Variants in GSG1L observed in about 807,000 individuals in gnomAD.
The protein encoded by GSG1L is germ cell-specific gene 1-like protein.
Under a neutral mutation model 42.1 loss-of-function variants are expected in GSG1L, and 24 were observed. The ratio of observed to expected loss-of-function variants is 0.57; its 90% CI spans 0.41 to 0.80. The LOEUF (loss-of-function observed/expected upper bound fraction) is 0.80. Among genes scored for constraint, GSG1L ranks in the 30% least tolerant of loss-of-function variants. The pLI is 0.00. For missense variants in GSG1L, 445 were observed against 472.2 expected (o/e 0.94, Z 0.53); for synonymous variants, 215 against 203.5 (o/e 1.06, Z -0.48).
At chr16:28,019,748 G>A (rs1481441086) in intron 1 of GSG1L, among the ~76,000 whole-genome samples, 1 of 152,214 alleles carries the variant, frequency 6.6e-6, no homozygotes, top group East Asian at 1.9e-4. Context: ...AAAGCACTCA[G>A]AGAAGGGAGC....
chr16:28,017,605 C>A (rs1348007187), intron 1 of GSG1L, among the ~76,000 whole-genome samples: 1 of 152,176 alleles, frequency 6.6e-6, no homozygotes, highest in Non-Finnish European at 1.5e-5. Context: ...ACACAACCTG[C>A]AAGAGAGCCT....
chr16:27,919,749 C>A lies in GSG1L; in HGVS notation c.398-35111G>T, dbSNP rs74015154. On this transcript the variant is annotated intron_variant, in intron 2 of 6. Transcript: ENST00000447459. ...GGTGCCCAATGGAGAAATTACATTACAGGAGGGGGAGTCGGCTCAACATTA... is the reference window on the plus strand; with the variant it reads ...GGTGCCCAATGGAGAAATTACATTAAAGGAGGGGGAGTCGGCTCAACATTA... Among the ~76,000 whole-genome samples the A allele has an allele frequency of 5.1e-3, 770 of 152,242 alleles. 10 individuals carry two copies. The highest frequency in any genetic ancestry group is 0.018 in the African/African-American group (739 of 41,532).
intron 3 of GSG1L, among the ~76,000 whole-genome samples, chr16:27,862,591 G>A (rs1235495866): frequency 3.3e-5 from 5 of 152,232 alleles, no homozygotes; most frequent in Non-Finnish European, 7.3e-5. Context: ...TGGGCTCTGG[G>A]TCAGGCCTGA....
intron 5 of GSG1L, among the ~76,000 whole-genome samples, chr16:27,827,957 C>A (rs984710247): frequency 5.7e-4 from 85 of 148,226 alleles, no homozygotes; most frequent in African/African-American, 2.1e-3. Flanking sequence ...ATCTACCTAC[C>A]CATCCACCAA....
chr16:27,869,823 C>CCT (rs2083788879), intron 3 of GSG1L, among the ~76,000 whole-genome samples: 1 of 149,098 alleles, frequency 6.7e-6, no homozygotes. Context: ...ATCTCTCTCT[C>CCT]TCTGTCTCCC....
At chr16:27,993,068 T>A (rs1422660886) in intron 1 of GSG1L, among the ~76,000 whole-genome samples, 2 of 152,180 alleles carry the variant, frequency 1.3e-5, no homozygotes, top group Non-Finnish European at 2.9e-5. Context: ...CATTTTTGAA[T>A]GGAGAAACAG....
intron 6 of GSG1L, among the ~76,000 whole-genome samples, chr16:27,802,708 A>T (rs774498049): frequency 6.6e-6 from 1 of 151,980 alleles, no homozygotes; most frequent in Non-Finnish European, 1.5e-5. Context: ...TCTGGGCTTC[A>T]ACCATCCCAT....
intron 2 of GSG1L, among the ~76,000 whole-genome samples, chr16:27,931,049 G>A (rs1379645938): frequency 1.3e-5 from 2 of 152,118 alleles, no homozygotes; most frequent in African/African-American, 4.8e-5. Context: ...ACCGTGCCTG[G>A]CCAGCTCTTT....
Position 27,884,511 on chromosome 16 carries a change from G to A in GSG1L, c.525C>T (p.Phe175=), listed in dbSNP as rs899540161. 9.3e-6 allele frequency: 15 copies of A among 1,613,730 alleles called. No homozygotes were observed. Among genetic ancestry groups the A allele is most frequent in the Non-Finnish European group, 1.1e-5 (13 of 1,179,922 alleles). ...CTGAGAGCACCGTGAAGACAGCCGCGAAGGCATTGAGCTTGAGCCCGTCGA... is the reference window on the plus strand; with the variant it reads ...CTGAGAGCACCGTGAAGACAGCCGCAAAGGCATTGAGCTTGAGCCCGTCGA... ...NVIDGLKLNA[F]AAVFTVLSGL... is the part of the protein sequence containing the mutation. The change falls in exon 3 of 7, where the codon TTC becomes TTT. Residue 175 remains phenylalanine (F), a synonymous_variant. Coordinates refer to ENST00000447459, the MANE Select transcript of GSG1L (RefSeq NM_001109763.2). This position sits in a 1 kb window ranked among gnomAD's most constrained non-coding sequence, Gnocchi z 4.4.
At chr16:27,982,817 T>C (rs760938890) in intron 1 of GSG1L, among the ~76,000 whole-genome samples, 1 of 152,134 alleles carries the variant, frequency 6.6e-6, no homozygotes, top group African/African-American at 2.4e-5. Context: ...AGATCTTGCA[T>C]GAACTCATTG....
chr16:28,002,023 C>A (rs557117557), intron 1 of GSG1L, among the ~76,000 whole-genome samples: 2 of 152,358 alleles, frequency 1.3e-5, no homozygotes, highest in East Asian at 1.9e-4. Context: ...CATCTTGCCT[C>A]ATTTTTGCAT....
chr16:27,939,807 G>T (rs1327712534), intron 2 of GSG1L, among the ~76,000 whole-genome samples: 1 of 152,110 alleles, frequency 6.6e-6, no homozygotes, highest in African/African-American at 2.4e-5. Flanking sequence ...TTTCCCTCAT[G>T]CATGCCACCA....
At chr16:28,058,580 C>T (rs545143538) in intron 1 of GSG1L, among the ~76,000 whole-genome samples, 1 of 145,968 alleles carries the variant, frequency 6.9e-6, no homozygotes, top group African/African-American at 2.6e-5. Flanking sequence ...GTAAGCTGTG[C>T]TCACAACACT....
chr16:27,926,126 C>T (rs1467266082), intron 2 of GSG1L, among the ~76,000 whole-genome samples: 2 of 152,208 alleles, frequency 1.3e-5, no homozygotes, highest in Non-Finnish European at 2.9e-5. Context: ...AAAGCCTTCT[C>T]CAGGGACAGA....
intron 2 of GSG1L, chr16:27,888,179 C>T (rs2084052126): frequency 3.1e-6 from 3 of 966,712 alleles, no homozygotes; most frequent in Non-Finnish European, 2.5e-6. Context: ...GCCCCCACAC[C>T]CCAGGGGGTG....
intron 1 of GSG1L, among the ~76,000 whole-genome samples, chr16:27,993,180 G>A (rs1228296479): frequency 6.6e-6 from 1 of 152,026 alleles, no homozygotes; most frequent in East Asian, 1.9e-4. Flanking sequence ...ACAGAGTCTT[G>A]CTCTGTCACC....
intron 2 of GSG1L, among the ~76,000 whole-genome samples, chr16:27,897,206 A>G (rs1254214654): frequency 2.0e-5 from 3 of 152,180 alleles, no homozygotes; most frequent in Non-Finnish European, 4.4e-5. Context: ...TGACCTCAAG[A>G]ACTGTGAGAT....
At chr16:28,022,479 A>AT (rs11318488) in intron 1 of GSG1L, among the ~76,000 whole-genome samples, 32,947 of 141,730 alleles carry the variant, frequency 0.23, 3,924 homozygotes, top group South Asian at 0.48. Flanking sequence ...CAACCAGCTA[A>AT]TTTTTTTTTT....
intron 5 of GSG1L, among the ~76,000 whole-genome samples, chr16:27,827,167 C>T (rs1215794058): frequency 6.6e-6 from 1 of 152,184 alleles, no homozygotes; most frequent in Non-Finnish European, 1.5e-5. Flanking sequence ...GGCACAGGGC[C>T]TGGCACATAA....
Sources: allele counts gnomAD v4.1 joint callset (sites outside exome capture counted in the v4.1 genomes callset), GRCh38; gene constraint gnomAD v4.1.1; non-coding constraint Gnocchi (gnomAD v3.1); transcripts MANE v1.5; gene names NCBI Gene and HGNC (gene_info 2026-07-23, HGNC 2026-07-21).